Variants in PXK observed in about 807,000 individuals in gnomAD.
PXK encodes the protein PX domain-containing protein kinase-like protein.
PXK carries 35 observed loss-of-function variants against 84.7 expected under a neutral mutation model. The observed-to-expected ratio is 0.41, with a 90% CI of 0.32 to 0.55. PXK has a LOEUF of 0.55. Among genes scored for constraint, PXK ranks in the 20% least tolerant of loss-of-function variants. The pLI is 0.21. For synonymous variants in PXK, 253 were observed against 260.8 expected, an observed-to-expected ratio of 0.97 and a Z score of 0.29; for missense variants, 634 against 699.7, an observed-to-expected ratio of 0.91 and a Z score of 1.06.
At chr3:58,356,202 GAC>G (rs2098076459) in intron 1 of PXK, among the ~76,000 whole-genome samples, 1 of 152,208 alleles carries the variant, frequency 6.6e-6, no homozygotes, top group Admixed American at 6.5e-5. Context: ...GCTAGGGCTT[GAC>G]ACAGCAGCCT....
chr3:58,418,962 G>A (rs1159672954), intron 17 of PXK, among the ~76,000 whole-genome samples: 1 of 152,184 alleles, frequency 6.6e-6, no homozygotes, highest in Non-Finnish European at 1.5e-5. Flanking sequence ...AGGCATACAA[G>A]TTTATTTAAT....
At chr3:58,424,631 T>C in intron 17 of PXK, 121 bp from the exon 18 acceptor site, 2 of 1,364,794 alleles carry the variant, frequency 1.5e-6, no homozygotes, top group South Asian at 2.9e-5. Flanking sequence ...ACTAGGTATG[T>C]TGGTCCCTCT....
Position 58,400,619 on chromosome 3 carries a change from T to C in PXK, c.1181+1242T>C, listed in dbSNP as rs1001005571. 6.6e-6 allele frequency among the ~76,000 whole-genome samples: 1 copy of C among 152,120 alleles called. No homozygotes were observed. Among genetic ancestry groups the C allele is most frequent in the African/African-American group, 2.4e-5 (1 of 41,428 alleles). Reference sequence around the variant, plus strand: ...CCAAACCAGCAACCATTAATAATAATGTAATAATGTGGGCCGGGCAGTGGC... The same window carrying C: ...CCAAACCAGCAACCATTAATAATAACGTAATAATGTGGGCCGGGCAGTGGC... On this transcript the variant is annotated intron_variant, in intron 12 of 17. Transcript: ENST00000356151. This position sits in a 1 kb window ranked among gnomAD's most constrained non-coding sequence, Gnocchi z 4.0.
At position 58,380,403 on chromosome 3, in the gene PXK, A is replaced by C. The variant is rs537082748; in HGVS notation, c.202-2111A>C. Among the ~76,000 whole-genome samples, 17 of 151,372 alleles carry C rather than the reference A, an allele frequency of 1.1e-4. No individual in the cohort carries two copies. The South Asian group carries it at 2.3e-3, about 20-fold the overall frequency. ...GGCTATGATCACGCCACCACACTGC[A>C]GCCTGAGTGACAAAGCAAGACCCTA... On this transcript the variant is annotated intron_variant, in intron 3 of 17. Coordinates refer to ENST00000356151, the MANE Select transcript of PXK (RefSeq NM_017771.5).
intron 7 of PXK, among the ~76,000 whole-genome samples, chr3:58,393,472 TG>T (rs1376943590): frequency 2.0e-5 from 3 of 152,206 alleles, no homozygotes; most frequent in African/African-American, 7.2e-5. Context: ...ATATATGTAG[TG>T]CTTTAAAACC....
rs1343484905 is a variant in PXK, at chr3:58,370,928, G to C, written c.201+1450G>C. On this transcript the variant is annotated intron_variant, in intron 3 of 17. Transcript: ENST00000356151. The surrounding 1 kb of genome is among the most constrained non-coding windows in gnomAD (Gnocchi z 4.2). ...CAGGAGAACCGCCTGAACCCAGGAG[G>C]GGGAGGTTGCAGTGAGCCAAGAATG... Among the ~76,000 whole-genome samples the C allele has an allele frequency of 6.6e-6, 1 of 152,214 alleles. No homozygotes were observed. Among genetic ancestry groups the C allele is most frequent in the African/African-American group, 2.4e-5 (1 of 41,454 alleles).
intron 12 of PXK, among the ~76,000 whole-genome samples, chr3:58,403,236 C>T (rs1381341276): frequency 6.6e-6 from 1 of 152,054 alleles, no homozygotes; most frequent in Non-Finnish European, 1.5e-5. Flanking sequence ...AAACCCTGAC[C>T]TCAAGTGATC....
chr3:58,393,462 A>T (rs1443954472), intron 7 of PXK, among the ~76,000 whole-genome samples: 1 of 152,236 alleles, frequency 6.6e-6, no homozygotes, highest in Non-Finnish European at 1.5e-5. Flanking sequence ...AAAGTAAATT[A>T]TATATGTAGT....
intron 1 of PXK, among the ~76,000 whole-genome samples, chr3:58,353,402 TCAGA>T (rs1184992632): frequency 4.8e-4 from 73 of 152,324 alleles, no homozygotes; most frequent in African/African-American, 1.7e-3. Context: ...TAATGATTCT[TCAGA>T]TGCCTTTAAA....
chr3:58,369,695 G>C (rs746360373), intron 3 of PXK, among the ~76,000 whole-genome samples: 1 of 152,000 alleles, frequency 6.6e-6, no homozygotes, highest in Non-Finnish European at 1.5e-5. Flanking sequence ...GTGGTGGCGC[G>C]TGCCTGTAAT....
chr3:58,375,319 A>T (rs1033854704), intron 3 of PXK, among the ~76,000 whole-genome samples: 1 of 152,226 alleles, frequency 6.6e-6, no homozygotes, highest in Non-Finnish European at 1.5e-5. Context: ...TTTGATAAAC[A>T]AAAGCACTTT....
intron 12 of PXK, among the ~76,000 whole-genome samples, chr3:58,402,261 CCT>C (rs1314797983): frequency 2.1e-5 from 3 of 140,502 alleles, no homozygotes; most frequent in Non-Finnish European, 3.1e-5. Context: ...TCCCCCTCCC[CCT>C]CTCTCTCCCC....
In PXK at chr3:58,411,415, C is replaced by A. The variant is rs62258128; in HGVS notation, c.1465+1256C>A. Among the ~76,000 whole-genome samples, 5 of 152,012 alleles carry A rather than the reference C, an allele frequency of 3.3e-5. No individual in the cohort carries two copies. The highest frequency in any genetic ancestry group is 5.9e-5 in the Non-Finnish European group (4 of 67,990). Reference sequence around the variant, plus strand: ...AAGGAGGGGTGGTCCCAATGAGGACCAGCGCAGGCTCCTTGGGGGTGAATG... The same window carrying A: ...AAGGAGGGGTGGTCCCAATGAGGACAAGCGCAGGCTCCTTGGGGGTGAATG... On this transcript the variant is annotated intron_variant, in intron 16 of 17. Transcript: ENST00000356151. The surrounding 1 kb of genome is among the most constrained non-coding windows in gnomAD (Gnocchi z 4.2).
At position 58,398,595 on chromosome 3, in the gene PXK, G is replaced by A. The variant is rs2058089730; in HGVS notation, c.1103-704G>A. 6.6e-6 allele frequency among the ~76,000 whole-genome samples: 1 copy of A among 152,118 alleles called. No individual in the cohort carries two copies. Among genetic ancestry groups the A allele is most frequent in the Non-Finnish European group, 1.5e-5 (1 of 68,012 alleles). ...GGACAAGTGAGAGCACCTTTAGGAA[G>A]GAGGGATGCAGGAACTGGTACAGAC... On this transcript the variant is annotated intron_variant, in intron 11 of 17. Coordinates refer to ENST00000356151, the MANE Select transcript of PXK (RefSeq NM_017771.5). The surrounding 1 kb of genome is among the most constrained non-coding windows in gnomAD (Gnocchi z 4.5).
chr3:58,416,373 G>T lies in PXK; in HGVS notation c.1528+3410G>T, dbSNP rs963965322. Among the ~76,000 whole-genome samples, 2 of 152,214 alleles carry T rather than the reference G, an allele frequency of 1.3e-5. No individual in the cohort carries two copies. The highest frequency in any genetic ancestry group is 2.1e-4 in the South Asian group (1 of 4,826). On this transcript the variant is annotated intron_variant, in intron 17 of 17. Transcript: ENST00000356151. The surrounding 1 kb of genome is among the most constrained non-coding windows in gnomAD (Gnocchi z 4.8). ...TTTTCCCTTATTTCCATGCCTTGAGGTTTACAGGTCCCTAAAAGTTGGGGG... is the reference window on the plus strand; with the variant it reads ...TTTTCCCTTATTTCCATGCCTTGAGTTTTACAGGTCCCTAAAAGTTGGGGG...
intron 17 of PXK, among the ~76,000 whole-genome samples, chr3:58,418,383 T>A (rs2061314297): frequency 1.3e-5 from 2 of 152,170 alleles, no homozygotes; most frequent in Admixed American, 6.5e-5. Flanking sequence ...GTCACACAAG[T>A]TAGGGCGGTG....
At chr3:58,386,725 G>A (rs928883439) in intron 4 of PXK, among the ~76,000 whole-genome samples, 2 of 152,094 alleles carry the variant, frequency 1.3e-5, no homozygotes, top group African/African-American at 4.8e-5. Context: ...AAAGTCATTT[G>A]AACCAGAAAT....
rs796928585 is a variant in PXK, at chr3:58,364,711, CA to C, written c.103-1151del. Among the ~76,000 whole-genome samples, 902 of 135,090 alleles carry C rather than the reference CA, an allele frequency of 6.7e-3. 9 individuals are homozygous for C. Among genetic ancestry groups the C allele is most frequent in the Non-Finnish European group, 0.011 (669 of 62,208 alleles). The allele number at this position is 135,090 out of a possible 152,430, so 88.6% of individuals were successfully genotyped here. On this transcript the variant is annotated intron_variant, in intron 1 of 17. Coordinates refer to ENST00000356151, the MANE Select transcript of PXK (RefSeq NM_017771.5). The surrounding 1 kb of genome is among the most constrained non-coding windows in gnomAD (Gnocchi z 4.3). The stretch of plus-strand genomic sequence containing the variant: ...TGGGTGACAGAGTGAGACTCGGTCT[CA>C]AAAAAAAAAAATCATTATGAAGATC...
chr3:58,387,129 C>T (rs1056515311), intron 4 of PXK, among the ~76,000 whole-genome samples: 1 of 152,106 alleles, frequency 6.6e-6, no homozygotes, highest in Non-Finnish European at 1.5e-5. Flanking sequence ...GCACTGGGGG[C>T]GCCTGGTACA....
Sources: gnomAD v4.1 joint callset for allele counts (sites outside exome capture counted in the v4.1 genomes callset) on GRCh38, gnomAD v4.1.1 for gene constraint, Gnocchi (gnomAD v3.1) non-coding constraint, MANE v1.5 for transcripts, NCBI Gene and HGNC (gene_info 2026-07-23, HGNC 2026-07-21) for gene names.